Variants in SCLT1 observed in about 807,000 individuals in gnomAD.
SCLT1 encodes the protein sodium channel and clathrin linker 1, also known as sodium channel-associated protein 1.
Under a neutral mutation model 112.8 loss-of-function variants are expected in SCLT1, and 78 were observed. The observed-to-expected ratio is 0.69, with a 90% confidence interval of 0.58 to 0.83. The LOEUF (loss-of-function observed/expected upper bound fraction) is 0.83, where lower values mean the gene tolerates loss of function less well. SCLT1 is among the 40% of genes least tolerant of loss of function. The pLI is 0.00. For missense variants in SCLT1, 747 were observed against 770.4 expected (o/e 0.97, Z 0.36); for synonymous variants, 257 against 254.7 (o/e 1.01, Z -0.09).
chr4:128,874,192 C>G (rs928981274), intron 5 of SCLT1: 4 of 152,482 alleles, frequency 2.6e-5, no homozygotes, highest in African/African-American at 9.7e-5. Flanking sequence ...TGAGCAAAAA[C>G]CTTTTGCTGG....
intron 2 of SCLT1, among the ~76,000 whole-genome samples, chr4:129,071,705 G>A (rs1010835168): frequency 6.6e-6 from 1 of 152,050 alleles, no homozygotes; most frequent in African/African-American, 2.4e-5. Context: ...TTTTAGGTGA[G>A]CCTCCTGAAG....
intron 2 of SCLT1, among the ~76,000 whole-genome samples, chr4:129,057,522 G>A (rs1307148722): frequency 1.4e-5 from 2 of 146,802 alleles, no homozygotes; most frequent in Non-Finnish European, 3.0e-5. Context: ...TGTTTTGGTA[G>A]AATTCAGCAG....
chr4:128,997,224 T>C (rs1324132725), intron 8 of SCLT1: 1 of 151,968 alleles, frequency 6.6e-6, no homozygotes, highest in African/African-American at 2.4e-5. Flanking sequence ...ACAAATCCAT[T>C]GTTATACAAA....
intron 5 of SCLT1, among the ~76,000 whole-genome samples, chr4:129,030,983 C>G (rs978857022): frequency 6.6e-6 from 1 of 152,068 alleles, no homozygotes. Context: ...ATGAGGCCAG[C>G]ATCGTCCTGA....
At chr4:128,903,125 C>T (rs561040637) in intron 18 of SCLT1, among the ~76,000 whole-genome samples, 29 of 151,826 alleles carry the variant, frequency 1.9e-4, no homozygotes, top group Non-Finnish European at 2.8e-4. Flanking sequence ...ATAAAAAGTA[C>T]AGTATAGGAA....
intron 1 of SCLT1, among the ~76,000 whole-genome samples, chr4:129,087,755 T>TAAA (rs71589026): frequency 1.9e-5 from 2 of 104,458 alleles, no homozygotes; most frequent in African/African-American, 8.1e-5. Context: ...TTGCGCAAGT[T>TAAA]AAAAAAAAAA....
At chr4:129,040,068 C>A in intron 4 of SCLT1, 2 of 653,672 alleles carry the variant, frequency 3.1e-6, no homozygotes, top group Non-Finnish European at 2.8e-6. Flanking sequence ...TTCGCAAGGG[C>A]CAGGTGGAAC....
intron 5 of SCLT1, among the ~76,000 whole-genome samples, chr4:129,017,247 CTA>C (rs1196526899): frequency 3.3e-5 from 5 of 151,828 alleles, no homozygotes; most frequent in African/African-American, 1.2e-4. Flanking sequence ...CAGTGCATAT[CTA>C]TGTTTGTGAG....
chr4:129,064,895 G>A (rs908597698), intron 2 of SCLT1, among the ~76,000 whole-genome samples: 5 of 152,182 alleles, frequency 3.3e-5, no homozygotes, highest in African/African-American at 1.2e-4. Flanking sequence ...TTATGACTCA[G>A]CATATGGTCA....
At chr4:129,008,090 T>A (rs576790665) in intron 5 of SCLT1, among the ~76,000 whole-genome samples, 76 of 152,288 alleles carry the variant, frequency 5.0e-4, no homozygotes, top group African/African-American at 1.6e-3. Context: ...TCAAACATTT[T>A]AAAGCCATTA....
Position 128,946,069 on chromosome 4 carries a change from T to C in SCLT1, c.1377A>G (p.Ser459=), listed in dbSNP as rs1738133286. ...TAAGTCTTAGCTGAAGATCATCTTT[T>C]GAACGCTCTGAAACCAGGAATCTTT... The part of the protein sequence containing the change: ...MHQRFLVSER[S]KDDLQLRLTR... Residue 459 remains serine (S), a synonymous_variant, in exon 16 of 21, where the codon TCA becomes TCG. Coordinates refer to ENST00000281142, the MANE Select transcript of SCLT1 (RefSeq NM_144643.4). The C allele has an allele frequency of 6.2e-7, 1 of 1,610,148 alleles. No individual in the cohort carries two copies. The highest frequency in any genetic ancestry group is 1.3e-5 in the African/African-American group (1 of 74,848).
At chr4:129,049,152 A>G (rs1277239755) in intron 2 of SCLT1, among the ~76,000 whole-genome samples, 2 of 151,748 alleles carry the variant, frequency 1.3e-5, no homozygotes, top group African/African-American at 2.4e-5. Flanking sequence ...AGGACTATAA[A>G]TCATGCTGCT....
intron 18 of SCLT1, among the ~76,000 whole-genome samples, chr4:128,913,151 C>T (rs553292667): frequency 4.6e-5 from 7 of 152,254 alleles, no homozygotes; most frequent in South Asian, 2.1e-4. Flanking sequence ...TTGCTACGTT[C>T]GGCATTCTGT....
chr4:128,952,287 G>T lies in SCLT1; in HGVS notation c.1218+482C>A, dbSNP rs111524296. 2.0e-3 allele frequency: 926 copies of T among 455,094 alleles called. 7 individuals are homozygous for T. Among genetic ancestry groups the T allele is most frequent in the African/African-American group, 0.017 (828 of 50,078 alleles). The allele number at this position is 455,094 out of a possible 1,614,324, so 28.2% of individuals were successfully genotyped here. A position where few individuals can be genotyped will look rare whatever the true frequency, so the allele number is the denominator to read the frequency against. Reference sequence around the variant, plus strand: ...ATACTTTTATTCTCCTATAAGCAAGGTTATTAAATTTCATTACATCAAATC... The same window carrying T: ...ATACTTTTATTCTCCTATAAGCAAGTTTATTAAATTTCATTACATCAAATC... On this transcript the variant is annotated intron_variant, in intron 14 of 20. Transcript: ENST00000281142.
Position 128,972,459 on chromosome 4 carries a change from A to T in SCLT1, c.687-1991T>A, listed in dbSNP as rs189197905. 4 of 151,972 alleles carry T rather than the reference A, an allele frequency of 2.6e-5. No individual in the cohort carries two copies. The East Asian group carries it at 7.8e-4, about 29-fold the overall frequency. The allele number at this position is 151,972 out of a possible 1,614,324, so 9.4% of individuals were successfully genotyped here. A position where few individuals can be genotyped will look rare whatever the true frequency, so the allele number is the denominator to read the frequency against. On this transcript the variant is annotated intron_variant, in intron 9 of 20. Transcript: ENST00000281142. ...AAAAAAAAAAAAACCTGTTGGAGAC[A>T]CAGGAAGCAAGGTACAATGTGGAGA...
At chr4:129,037,075 T>C (rs1335524485) in intron 5 of SCLT1, 4 of 151,498 alleles carry the variant, frequency 2.6e-5, no homozygotes, top group African/African-American at 9.7e-5. Context: ...CTCTATGACA[T>C]TAGGCTGAGA....
chr4:128,905,890 C>T (rs2125940378), intron 18 of SCLT1, among the ~76,000 whole-genome samples: 1 of 148,098 alleles, frequency 6.8e-6, no homozygotes, highest in Non-Finnish European at 1.5e-5. Context: ...CATTTATTTT[C>T]TTCATACCAC....
chr4:128,948,347 A>G (rs1738380734), intron 15 of SCLT1, 149 bp downstream of exon 15: 1 of 998,792 alleles, frequency 1.0e-6, no homozygotes, highest in East Asian at 3.5e-5. Flanking sequence ...AAAAAAAAAA[A>G]AAAAAAAAAA....
chr4:128,965,204 G>T, intron 11 of SCLT1, 23 bp downstream of exon 11: 3 of 1,186,346 alleles, frequency 2.5e-6, no homozygotes, highest in Non-Finnish European at 3.8e-6. Flanking sequence ...TATCAACAAA[G>T]CTAGGTGCAT....
Sources: allele counts gnomAD v4.1 joint callset (sites outside exome capture counted in the v4.1 genomes callset), GRCh38; gene constraint gnomAD v4.1.1; transcripts MANE v1.5; gene names NCBI Gene and HGNC (gene_info 2026-07-23, HGNC 2026-07-21).